BCL9: variants seen among roughly 807,000 people sequenced by gnomAD.
The protein encoded by BCL9 is B-cell CLL/lymphoma 9 protein.
In BCL9, 25 loss-of-function variants were observed where a neutral mutation model predicts 88.5. That is an observed-to-expected ratio of 0.28 (90% CI 0.21 to 0.39). The LOEUF (loss-of-function observed/expected upper bound fraction) is 0.39. Among genes scored for constraint, BCL9 ranks in the 10% least tolerant of loss-of-function variants. The pLI is 1.00. For missense variants in BCL9, 1,817 were observed against 1,877.8 expected, an observed-to-expected ratio of 0.97 and a Z score of 0.60; for synonymous variants, 711 against 673.3, an observed-to-expected ratio of 1.06 and a Z score of -0.87.
At chr1:147,604,467 AAAATGTTAAAAAC>A (rs1657551100) in intron 1 of BCL9, among the ~76,000 whole-genome samples, 1 of 152,208 alleles carries the variant, frequency 6.6e-6, no homozygotes, top group Admixed American at 6.5e-5. Context: ...TTGATGGTGG[AAAATGTTAAAAAC>A]AATGATTAAA....
At chr1:147,610,901 C>T (rs1253143633) in intron 3 of BCL9, among the ~76,000 whole-genome samples, 1 of 152,128 alleles carries the variant, frequency 6.6e-6, no homozygotes, top group Non-Finnish European at 1.5e-5. Flanking sequence ...TGGATCATTC[C>T]CATGCTTACC....
intron 1 of BCL9, among the ~76,000 whole-genome samples, chr1:147,585,136 G>A (rs1656542835): frequency 6.6e-6 from 1 of 152,154 alleles, no homozygotes; most frequent in African/African-American, 2.4e-5. Flanking sequence ...TACCTATCAG[G>A]TCTGCTCTTT....
intron 1 of BCL9, among the ~76,000 whole-genome samples, chr1:147,581,689 C>A (rs1382018678): frequency 6.6e-6 from 1 of 152,110 alleles, no homozygotes; most frequent in Non-Finnish European, 1.5e-5. Context: ...CAGTGTAGGG[C>A]CAGTTGTAGA....
At chr1:147,574,211 T>A (rs1192225675) in intron 1 of BCL9, among the ~76,000 whole-genome samples, 1 of 152,192 alleles carries the variant, frequency 6.6e-6, no homozygotes, top group African/African-American at 2.4e-5. Flanking sequence ...CTTATAAATA[T>A]AACTGCAAGG....
At chr1:147,551,103 G>C (rs782452836) in intron 1 of BCL9, among the ~76,000 whole-genome samples, 38 of 152,156 alleles carry the variant, frequency 2.5e-4, no homozygotes, top group Non-Finnish European at 4.0e-4. Context: ...TAATAATTGA[G>C]TATTTGCTAT....
chr1:147,611,986 TA>T, intron 4 of BCL9, 97 bp downstream of exon 4: 1 of 1,278,816 alleles, frequency 7.8e-7, no homozygotes, highest in East Asian at 2.3e-5. Flanking sequence ...GAATTAGAAA[TA>T]AATGAAACCC....
rs587716039 is a variant in BCL9, at chr1:147,573,127, A to G, written c.-478+31453A>G. 1.0e-3 allele frequency among the ~76,000 whole-genome samples: 158 copies of G among 152,306 alleles called. No individual in the cohort carries two copies. The South Asian group carries it at 0.013, about 13-fold the overall frequency. On this transcript the variant is annotated intron_variant, in intron 1 of 9. Coordinates refer to ENST00000234739, the MANE Select transcript of BCL9 (RefSeq NM_004326.4). ...ATGGAGGACTTATTAGACACACAAT[A>G]AAGACTTAATAATTGATGAATATTG...
chr1:147,566,146 G>A (rs1655584712), intron 1 of BCL9, among the ~76,000 whole-genome samples: 2 of 152,298 alleles, frequency 1.3e-5, no homozygotes, highest in Middle Eastern at 3.4e-3. Flanking sequence ...GGAGCTGGTT[G>A]CTGGAAAAGC....
chr1:147,617,451 C>T (rs140658678), intron 7 of BCL9, among the ~76,000 whole-genome samples: 149 of 152,098 alleles, frequency 9.8e-4, no homozygotes, highest in Non-Finnish European at 1.5e-3. Flanking sequence ...TCAAGGTGAC[C>T]TCTACACTCC....
chr1:147,588,939 A>G (rs1553199593), intron 1 of BCL9, among the ~76,000 whole-genome samples: 1 of 151,926 alleles, frequency 6.6e-6, no homozygotes, highest in Non-Finnish European at 1.5e-5. Context: ...TTTAGAGGCA[A>G]TTTTCCTCCA....
intron 1 of BCL9, among the ~76,000 whole-genome samples, chr1:147,546,616 T>C (rs2101460425): frequency 6.6e-6 from 1 of 152,336 alleles, no homozygotes; most frequent in Admixed American, 6.5e-5. Flanking sequence ...ATTTTTCTGA[T>C]TCTGTGAATA....
At position 147,546,102 on chromosome 1, in the gene BCL9, C is replaced by G. The variant is rs1050421304; in HGVS notation, c.-478+4428C>G. Reference sequence around the variant, plus strand: ...CTGTAATCCCAGCACTTTGGGAGGCCGAGGCGGGCGGATCACGAGGTCAGG... The same window carrying G: ...CTGTAATCCCAGCACTTTGGGAGGCGGAGGCGGGCGGATCACGAGGTCAGG... On this transcript the variant is annotated intron_variant, in intron 1 of 9. Coordinates refer to ENST00000234739, the MANE Select transcript of BCL9 (RefSeq NM_004326.4). Among the ~76,000 whole-genome samples the G allele has an allele frequency of 2.6e-5, 4 of 151,996 alleles. No homozygotes were observed. In the East Asian group the frequency reaches 7.7e-4, roughly 29 times the overall value.
chr1:147,616,573 C>G lies in BCL9; in HGVS notation c.660+671C>G, dbSNP rs141753370. On this transcript the variant is annotated intron_variant, in intron 7 of 9. Transcript: ENST00000234739. ...ACAAGGTCAGGAGATTGAGACCATC[C>G]TGGCTAACCCAGTGAAACCCCGTCT... is the stretch of plus-strand genomic sequence containing the variant. Among the ~76,000 whole-genome samples the G allele has an allele frequency of 4.1e-3, 624 of 152,206 alleles. 7 individuals are homozygous for G. The highest frequency in any genetic ancestry group is 0.014 in the African/African-American group (597 of 41,510).
intron 1 of BCL9, among the ~76,000 whole-genome samples, chr1:147,565,298 A>G (rs1283661597): frequency 1.3e-5 from 2 of 152,150 alleles, no homozygotes; most frequent in East Asian, 1.9e-4. Flanking sequence ...AGCCCATGCA[A>G]CTCTTCAATG....
chr1:147,610,161 T>C (rs1296662008), intron 3 of BCL9, among the ~76,000 whole-genome samples: 1 of 81,186 alleles, frequency 1.2e-5, no homozygotes, highest in African/African-American at 5.1e-5. Flanking sequence ...CCAGAATCCA[T>C]TTCTTAGTCT....
At chr1:147,541,710 C>T (rs1165549152) in intron 1 of BCL9, 36 bp downstream of exon 1, 1 of 152,156 alleles carries the variant, frequency 6.6e-6, no homozygotes, top group Non-Finnish European at 1.5e-5. Flanking sequence ...CGGTGGCAGG[C>T]TTGTTCGCCT....
chr1:147,595,695 T>A (rs1657015281), intron 1 of BCL9, among the ~76,000 whole-genome samples: 1 of 151,614 alleles, frequency 6.6e-6, no homozygotes, highest in Admixed American at 6.6e-5. Context: ...AAAAAATAAA[T>A]AAATAAATAA....
rs1553206203 is a variant in BCL9, at chr1:147,624,685, C to T, written c.4007C>T (p.Pro1336Leu). Residue 1336 changes from proline (P) to leucine (L), a missense_variant, in exon 10 of 10, where the codon CCA (proline) becomes CTA (leucine). Transcript: ENST00000234739. This position sits in a 1 kb window ranked among gnomAD's most constrained non-coding sequence, Gnocchi z 4.4. ...GGACCTCACCATCGGATGATGTCAC[C>T]AGCACAATCTACAATGCCCGGCCAG... The part of the protein sequence containing the change: ...MMGPHHRMMS[P>L]AQSTMPGQPT... The T allele has an allele frequency of 6.2e-7, 1 of 1,614,212 alleles. No homozygotes were observed. The highest frequency in any genetic ancestry group is 2.2e-5 in the East Asian group (1 of 44,884).
chr1:147,549,228 C>A (rs1654775072), intron 1 of BCL9, among the ~76,000 whole-genome samples: 1 of 152,122 alleles, frequency 6.6e-6, no homozygotes, highest in Non-Finnish European at 1.5e-5. Flanking sequence ...CCACCCACCT[C>A]AACCTCCCAA....
Sources: allele counts gnomAD v4.1 joint callset (sites outside exome capture counted in the v4.1 genomes callset), GRCh38; gene constraint gnomAD v4.1.1; non-coding constraint Gnocchi (gnomAD v3.1); transcripts MANE v1.5; gene names NCBI Gene and HGNC (gene_info 2026-07-23, HGNC 2026-07-21).